Variants in FHL5 observed in about 807,000 individuals in gnomAD.
FHL5 encodes the protein four and a half LIM domains 5, also known as four and a half LIM domains protein 5.
Under a neutral mutation model 32.0 loss-of-function variants are expected in FHL5, and 33 were observed. That is an observed-to-expected ratio of 1.03 (90% CI 0.78 to 1.38). The LOEUF is 1.38. FHL5 is among the 40% of genes most tolerant of loss of function. The probability of loss-of-function intolerance (pLI) is 0.00; values close to 1 mark genes in which losing one functional copy is unlikely to be tolerated. For synonymous variants in FHL5, 114 were observed against 113.6 expected (o/e 1.00, Z -0.02); for missense variants, 336 against 343.9 (o/e 0.98, Z 0.18).
At chr6:96,578,290 A>G (rs1770624713) in intron 1 of FHL5, among the ~76,000 whole-genome samples, 1 of 152,192 alleles carries the variant, frequency 6.6e-6, no homozygotes, top group Admixed American at 6.5e-5. Context: ...TACAGAAAAG[A>G]CTCACTGATT....
chr6:96,607,630 A>T (rs1771312487), intron 4 of FHL5, among the ~76,000 whole-genome samples: 1 of 152,164 alleles, frequency 6.6e-6, no homozygotes, highest in South Asian at 2.1e-4. Flanking sequence ...TACAAGCAGC[A>T]ATCAAGCCAT....
chr6:96,594,122 A>G (rs945111292), intron 1 of FHL5, among the ~76,000 whole-genome samples: 1 of 150,544 alleles, frequency 6.6e-6, no homozygotes, highest in Non-Finnish European at 1.5e-5. Context: ...ACTTTATTAT[A>G]CTTATGTTAA....
At chr6:96,615,190 T>G (rs1416226642) in intron 5 of FHL5, among the ~76,000 whole-genome samples, 2 of 152,206 alleles carry the variant, frequency 1.3e-5, no homozygotes. Flanking sequence ...ATCTTCATTT[T>G]GCAGCTAAGA....
chr6:96,610,512 T>A, intron 4 of FHL5, 60 bp from the exon 5 acceptor site: 2 of 1,255,330 alleles, frequency 1.6e-6, no homozygotes, highest in Non-Finnish European at 2.3e-6. Context: ...AAAAGAATCA[T>A]GAAATGATCT....
At position 96,616,898 on chromosome 6, in the gene FHL5, G is replaced by T. The variant is rs1038457536; in HGVS notation, c.*1126G>T. On this transcript the variant is annotated 3_prime_UTR_variant, in exon 6 of 6. Coordinates refer to ENST00000450218, the MANE Select transcript of FHL5 (RefSeq NM_001322466.2). ...CAATAGAGTAATGTGGGCTGTAGGC[G>T]AGCCCTCCCCACTCTTCCCCCACAC... 6.9e-6 allele frequency among the ~76,000 whole-genome samples: 1 copy of T among 145,452 alleles called. No individual in the cohort carries two copies. The highest frequency in any genetic ancestry group is 2.6e-5 in the African/African-American group (1 of 37,880).
chr6:96,583,027 G>A (rs1418755323), intron 1 of FHL5, among the ~76,000 whole-genome samples: 1 of 152,032 alleles, frequency 6.6e-6, no homozygotes, highest in East Asian at 1.9e-4. Context: ...TAAAGAAAGG[G>A]CCAGAAAAGT....
At chr6:96,563,961 T>C (rs1292483734) in intron 1 of FHL5, among the ~76,000 whole-genome samples, 2 of 152,160 alleles carry the variant, frequency 1.3e-5, no homozygotes, top group East Asian at 1.9e-4. Flanking sequence ...ATAGACTATA[T>C]CAATCTAAAG....
intron 2 of FHL5, 96 bp from the exon 3 acceptor site, chr6:96,604,654 C>T: frequency 1.1e-6 from 1 of 877,580 alleles, no homozygotes; most frequent in Non-Finnish European, 1.7e-6. Flanking sequence ...GCACAACCTA[C>T]TGACATGAGA....
At chr6:96,602,426 C>CTTTTTTT (rs1168636713) in intron 1 of FHL5, among the ~76,000 whole-genome samples, 401 of 33,694 alleles carry the variant, frequency 0.012, 153 homozygotes, top group East Asian at 0.021. Flanking sequence ...TGCGTTGTTT[C>CTTTTTTT]TTTTTTTTTT....
intron 2 of FHL5, 46 bp from the exon 3 acceptor site, chr6:96,604,704 T>C: frequency 6.6e-7 from 1 of 1,511,150 alleles, no homozygotes; most frequent in Non-Finnish European, 9.0e-7. Context: ...AAATGGCCTG[T>C]ATTGTCACAA....
At chr6:96,600,396 C>G (rs1237008476) in intron 1 of FHL5, among the ~76,000 whole-genome samples, 1 of 152,168 alleles carries the variant, frequency 6.6e-6, no homozygotes, top group Non-Finnish European at 1.5e-5. Flanking sequence ...AAATGAGCTC[C>G]TATGCCATTC....
chr6:96,611,286 T>C (rs1485491346), intron 5 of FHL5, among the ~76,000 whole-genome samples: 2 of 152,188 alleles, frequency 1.3e-5, no homozygotes, highest in Admixed American at 1.3e-4. Flanking sequence ...CTAACAAATG[T>C]ATTACTCTCT....
rs895194884 is a variant in FHL5 at position 96,617,273 on chromosome 6, T to G, written c.*1501T>G. Among the ~76,000 whole-genome samples the G allele has an allele frequency of 6.6e-6, 1 of 152,198 alleles. No individual in the cohort carries two copies. The highest frequency in any genetic ancestry group is 2.4e-5 in the African/African-American group (1 of 41,458). On this transcript the variant is annotated 3_prime_UTR_variant, in exon 6 of 6. Transcript: ENST00000450218. ...AGAAGCCCACATAGATATATAACTG[T>G]CTTCTCTCAGATTACACATTATAGC...
chr6:96,610,113 T>C (rs1443845670), intron 4 of FHL5, among the ~76,000 whole-genome samples: 1 of 152,188 alleles, frequency 6.6e-6, no homozygotes, highest in Non-Finnish European at 1.5e-5. Flanking sequence ...GTTAGACAGG[T>C]AGTTATAAGA....
intron 1 of FHL5, among the ~76,000 whole-genome samples, chr6:96,566,313 G>T (rs998841910): frequency 2.0e-5 from 3 of 151,890 alleles, no homozygotes; most frequent in Non-Finnish European, 2.9e-5. Context: ...CATTCATGTT[G>T]CCGTGAATGA....
intron 1 of FHL5, among the ~76,000 whole-genome samples, chr6:96,572,494 T>C (rs931199417): frequency 3.3e-5 from 5 of 151,928 alleles, no homozygotes; most frequent in Non-Finnish European, 7.4e-5. Context: ...GATGGGGTGG[T>C]TCAGGGGTGG....
chr6:96,592,266 T>G (rs557965907), intron 1 of FHL5, among the ~76,000 whole-genome samples: 1 of 152,292 alleles, frequency 6.6e-6, no homozygotes, highest in South Asian at 2.1e-4. Context: ...AGGCCCACCC[T>G]CAGGGGCACA....
chr6:96,611,112 A>G (rs538138088), intron 5 of FHL5, among the ~76,000 whole-genome samples: 74 of 152,160 alleles, frequency 4.9e-4, no homozygotes, highest in Non-Finnish European at 8.5e-4. Context: ...GTGGGAGGAG[A>G]AGAGTACTAA....
At position 96,615,835 on chromosome 6, in the gene FHL5, T is replaced by G; in HGVS notation, c.*63T>G. 1 of 1,361,922 alleles carries G rather than the reference T, an allele frequency of 7.3e-7. No homozygotes were observed. Among genetic ancestry groups the G allele is most frequent in the Non-Finnish European group, 9.9e-7 (1 of 1,006,124 alleles). The allele number at this position is 1,361,922 out of a possible 1,614,324, so 84.4% of individuals were successfully genotyped here. A position where few individuals can be genotyped will look rare whatever the true frequency, so the allele number is the denominator to read the frequency against. On this transcript the variant is annotated 3_prime_UTR_variant, in exon 6 of 6. Transcript: ENST00000450218. ...CGTTGTCACTAAAGCCAGAACTCAGTTGCGGTCTTATTTTTGACTTAAGTT... is the reference window on the plus strand; with the variant it reads ...CGTTGTCACTAAAGCCAGAACTCAGGTGCGGTCTTATTTTTGACTTAAGTT...
Sources: gnomAD v4.1 joint callset for allele counts (sites outside exome capture counted in the v4.1 genomes callset) on GRCh38, gnomAD v4.1.1 for gene constraint, MANE v1.5 for transcripts, NCBI Gene and HGNC (gene_info 2026-07-23, HGNC 2026-07-21) for gene names.